The following MAGI2 variants were observed in gnomAD, a reference collection of about 807,000 sequenced individuals.
The protein encoded by MAGI2 is membrane associated guanylate kinase, WW and PDZ domain containing 2.
A neutral mutation model predicts 133.3 loss-of-function variants in MAGI2; 35 were observed. The ratio of observed to expected loss-of-function variants is 0.26; its 90% confidence interval spans 0.20 to 0.35. The LOEUF is 0.35. MAGI2 is among the 10% of genes least tolerant of loss of function. The probability of loss-of-function intolerance (pLI) is 1.00; values close to 1 mark genes in which losing one functional copy is unlikely to be tolerated. For synonymous variants in MAGI2, 729 were observed against 710.6 expected (o/e 1.03, Z -0.41); for missense variants, 1,636 against 1,863.4 (o/e 0.88, Z 2.25).
At position 79,141,515 on chromosome 7, in the gene MAGI2, A is replaced by G. The variant is rs1489201399; in HGVS notation, c.302-134309T>C. Among the ~76,000 whole-genome samples, 6 of 152,276 alleles carry G rather than the reference A, an allele frequency of 3.9e-5. No homozygotes were observed. In the South Asian group the frequency reaches 1.0e-3, roughly 26 times the overall value. On this transcript the variant is annotated intron_variant, in intron 1 of 21. Transcript: ENST00000354212. ...TGTCCCCTATCTCTCATTACTTCTAAAAATAATGATGCACACCATTGTTAT... is the reference window on the plus strand; with the variant it reads ...TGTCCCCTATCTCTCATTACTTCTAGAAATAATGATGCACACCATTGTTAT...
At chr7:78,268,402 C>T (rs1794225560) in intron 9 of MAGI2, among the ~76,000 whole-genome samples, 1 of 152,132 alleles carries the variant, frequency 6.6e-6, no homozygotes, top group African/African-American at 2.4e-5. Context: ...ATAACTATAG[C>T]TACTACTATG....
chr7:78,164,067 C>G lies in MAGI2; in HGVS notation c.2597-3794G>C, dbSNP rs143086495. Among the ~76,000 whole-genome samples, 228 of 152,242 alleles carry G rather than the reference C, an allele frequency of 1.5e-3. 1 individual carries two copies. Among genetic ancestry groups the G allele is most frequent in the African/African-American group, 5.4e-3 (224 of 41,544 alleles). ...ATGGGGTTTGCAGGTCACCACAGTC[C>G]TGCCCACTCCCCAAGACCTCTTGCA... is the stretch of plus-strand genomic sequence containing the variant. On this transcript the variant is annotated intron_variant, in intron 15 of 21. Coordinates refer to ENST00000354212, the MANE Select transcript of MAGI2 (RefSeq NM_012301.4).
chr7:78,168,712 C>G (rs947954395), intron 14 of MAGI2, among the ~76,000 whole-genome samples: 3 of 152,212 alleles, frequency 2.0e-5, no homozygotes, highest in African/African-American at 7.2e-5. Context: ...TCATGTGAAG[C>G]ATTTAACTTT....
chr7:78,549,305 G>C (rs762330893), intron 3 of MAGI2, among the ~76,000 whole-genome samples: 1 of 151,978 alleles, frequency 6.6e-6, no homozygotes, highest in South Asian at 2.1e-4. Flanking sequence ...TTCAGACAAG[G>C]CCATTGTGTG....
intron 3 of MAGI2, among the ~76,000 whole-genome samples, chr7:78,588,891 A>T (rs1803696212): frequency 6.6e-6 from 1 of 152,182 alleles, no homozygotes; most frequent in Non-Finnish European, 1.5e-5. Context: ...CATCTAATAC[A>T]CTATCTTCAT....
chr7:78,687,571 G>A (rs896915340), intron 2 of MAGI2, among the ~76,000 whole-genome samples: 1 of 152,130 alleles, frequency 6.6e-6, no homozygotes, highest in African/African-American at 2.4e-5. Flanking sequence ...GCACAGAAAT[G>A]TTGTCCAATA....
At chr7:78,077,725 GTTTTTT>G (rs538030969) in intron 21 of MAGI2, among the ~76,000 whole-genome samples, 2 of 101,254 alleles carry the variant, frequency 2.0e-5, no homozygotes, top group East Asian at 5.7e-4. Flanking sequence ...TCTTTAGAAT[GTTTTTT>G]TTTTTTTTTT....
chr7:78,939,753 AG>A (rs772175858), intron 2 of MAGI2: 10 of 152,220 alleles, frequency 6.6e-5, no homozygotes, highest in Non-Finnish European at 1.2e-4. Context: ...AATAATAAAC[AG>A]TATCATGTTT....
At position 78,568,207 on chromosome 7, in the gene MAGI2, A is replaced by C. The variant is rs935672808; in HGVS notation, c.539-46562T>G. 5 of 152,114 alleles carry C rather than the reference A, an allele frequency of 3.3e-5. No homozygotes were observed. The East Asian group carries it at 7.7e-4, about 23-fold the overall frequency. The allele number at this position is 152,114 out of a possible 1,614,324, so 9.4% of individuals were successfully genotyped here. A position where few individuals can be genotyped will look rare whatever the true frequency, so the allele number is the denominator to read the frequency against. On this transcript the variant is annotated intron_variant, in intron 3 of 21. Coordinates refer to ENST00000354212, the MANE Select transcript of MAGI2 (RefSeq NM_012301.4). ...TGAGGATTGGTCTTTAGACTACTTC[A>C]CTTCTCTATCTATACTCATTTCCTA...
chr7:78,224,328 CGTT>C (rs1288188962), intron 10 of MAGI2, among the ~76,000 whole-genome samples: 1 of 152,168 alleles, frequency 6.6e-6, no homozygotes, highest in African/African-American at 2.4e-5. Flanking sequence ...GCTCTCCACT[CGTT>C]AGTCTTCGTA....
intron 2 of MAGI2, among the ~76,000 whole-genome samples, chr7:78,814,763 C>T (rs1319341944): frequency 6.6e-6 from 1 of 152,082 alleles, no homozygotes; most frequent in Non-Finnish European, 1.5e-5. Flanking sequence ...CACTCTGTCT[C>T]CCAGGATGAA....
chr7:78,811,741 T>A (rs552740226), intron 2 of MAGI2, among the ~76,000 whole-genome samples: 2 of 152,344 alleles, frequency 1.3e-5, no homozygotes, highest in South Asian at 4.1e-4. Context: ...TGTTTGTGTA[T>A]CCTCTGAGCT....
intron 1 of MAGI2, among the ~76,000 whole-genome samples, chr7:79,112,341 C>T (rs1479319774): frequency 6.6e-6 from 1 of 152,146 alleles, no homozygotes; most frequent in Non-Finnish European, 1.5e-5. Flanking sequence ...GGAACATCCA[C>T]CTGTTAGTCT....
At chr7:79,133,743 T>C (rs1438221227) in intron 1 of MAGI2, among the ~76,000 whole-genome samples, 1 of 152,202 alleles carries the variant, frequency 6.6e-6, no homozygotes, top group African/African-American at 2.4e-5. Flanking sequence ...ATAGAATTAC[T>C]ACTATACTTA....
chr7:78,426,179 T>C (rs1799257891), intron 6 of MAGI2, among the ~76,000 whole-genome samples: 1 of 152,214 alleles, frequency 6.6e-6, no homozygotes, highest in East Asian at 1.9e-4. Context: ...AATTATAATA[T>C]TCAAAATGAA....
At chr7:79,159,315 A>G (rs1824117830) in intron 1 of MAGI2, among the ~76,000 whole-genome samples, 1 of 151,996 alleles carries the variant, frequency 6.6e-6, no homozygotes, top group Non-Finnish European at 1.5e-5. Context: ...GGAGTTTGAG[A>G]CCAGCCTGGC....
At chr7:78,038,025 C>T (rs755847697) in intron 21 of MAGI2, among the ~76,000 whole-genome samples, 6 of 152,204 alleles carry the variant, frequency 3.9e-5, no homozygotes, top group African/African-American at 9.7e-5. Context: ...GGCCTCTCTT[C>T]CCACCTTGTC....
intron 3 of MAGI2, among the ~76,000 whole-genome samples, chr7:78,541,639 T>C (rs1211509510): frequency 1.3e-5 from 2 of 152,188 alleles, no homozygotes; most frequent in Non-Finnish European, 2.9e-5. Flanking sequence ...CCTGGGAGCC[T>C]ATGAGAAATG....
At chr7:79,390,350 C>A (rs996087970) in intron 1 of MAGI2, among the ~76,000 whole-genome samples, 3 of 152,128 alleles carry the variant, frequency 2.0e-5, no homozygotes, top group Non-Finnish European at 4.4e-5. Context: ...GTATAATCTT[C>A]TCCATTTGGA....
Sources: allele counts gnomAD v4.1 joint callset (sites outside exome capture counted in the v4.1 genomes callset), GRCh38; gene constraint gnomAD v4.1.1; transcripts MANE v1.5; gene names NCBI Gene and HGNC (gene_info 2026-07-23, HGNC 2026-07-21).